Variants in PCDHA2 observed in about 807,000 individuals in gnomAD.
The protein encoded by PCDHA2 is protocadherin alpha-2.
PCDHA2 carries 58 observed loss-of-function variants against 66.0 expected under a neutral mutation model. The ratio of observed to expected loss-of-function variants is 0.88; its 90% CI spans 0.71 to 1.09. The LOEUF (loss-of-function observed/expected upper bound fraction) is 1.09, where lower values mean the gene tolerates loss of function less well. Among genes scored for constraint, PCDHA2 ranks in the 50% least tolerant of loss-of-function variants. The pLI is 0.00. For synonymous variants in PCDHA2, 634 were observed against 554.0 expected (o/e 1.14, Z -2.03); for missense variants, 1,267 against 1,242.3 (o/e 1.02, Z -0.30).
chr5:140,831,464 A>G (rs1771535057), intron 1 of PCDHA2, among the ~76,000 whole-genome samples: 1 of 132,286 alleles, frequency 7.6e-6, no homozygotes, highest in Admixed American at 7.7e-5. Flanking sequence ...GGCTCAAGTG[A>G]TTCTCTCACC....
rs2150139188 is a variant in PCDHA2, at chr5:140,825,385, TATATATCTA to T, written c.2388+28040_2388+28048del. 711 of 143,548 alleles carry T rather than the reference TATATATCTA, an allele frequency of 5.0e-3. 7 individuals are homozygous for T. Among genetic ancestry groups the T allele is most frequent in the African/African-American group, 0.018 (686 of 38,434 alleles). The allele number at this position is 143,548 out of a possible 1,614,324, so 8.9% of individuals were successfully genotyped here. Reference sequence around the variant, plus strand: ...ATATATAAATATCTAAAATATCTAATATATATCTAATATATTATATATTTTATATAATAT... The same window carrying T: ...ATATATAAATATCTAAAATATCTAATATATATTATATATTTTATATAATAT... On this transcript the variant is annotated intron_variant, in intron 1 of 3. Coordinates refer to ENST00000526136, the MANE Select transcript of PCDHA2 (RefSeq NM_018905.3).
At chr5:140,964,383 G>A (rs543441248) in intron 1 of PCDHA2, among the ~76,000 whole-genome samples, 1 of 152,142 alleles carries the variant, frequency 6.6e-6, no homozygotes, top group Non-Finnish European at 1.5e-5. Context: ...GAGAGTCCTG[G>A]TTTTTCTCCC....
chr5:140,994,189 G>T (rs992894961), intron 3 of PCDHA2, among the ~76,000 whole-genome samples: 2 of 152,176 alleles, frequency 1.3e-5, no homozygotes, highest in Admixed American at 6.5e-5. Context: ...AACCACCAGG[G>T]CCTGTTGGTC....
At chr5:140,846,534 C>T (rs1554141358) in intron 1 of PCDHA2, among the ~76,000 whole-genome samples, 2 of 148,222 alleles carry the variant, frequency 1.3e-5, no homozygotes, top group African/African-American at 4.9e-5. Context: ...GCCACCATGC[C>T]CTGCTAATTT....
In PCDHA2 at chr5:140,829,234, C is replaced by T. The variant is rs140237774; in HGVS notation, c.2388+31882C>T. On this transcript the variant is annotated intron_variant, in intron 1 of 3. Coordinates refer to ENST00000526136, the MANE Select transcript of PCDHA2 (RefSeq NM_018905.3). ...GCGTGAACGACCTCGATTCAGGTGC[C>T]AACGGGCAGGTGAACTGCTCGCTGA... The T allele has an allele frequency of 3.7e-6, 6 of 1,614,136 alleles. No homozygotes were observed. In the African/African-American group the frequency reaches 6.7e-5, roughly 18 times the overall value.
chr5:140,997,610 C>A (rs1223241020), intron 3 of PCDHA2, among the ~76,000 whole-genome samples: 1 of 151,776 alleles, frequency 6.6e-6, no homozygotes, highest in Non-Finnish European at 1.5e-5. Flanking sequence ...GGGCGCATGA[C>A]TATATAGAGA....
chr5:140,882,474 A>G, intron 1 of PCDHA2: 1 of 1,614,054 alleles, frequency 6.2e-7, no homozygotes, highest in Non-Finnish European at 8.5e-7. Context: ...GTGGCGTCCA[A>G]AAGACACGGG....
chr5:140,932,583 G>A (rs1007147257), intron 1 of PCDHA2, among the ~76,000 whole-genome samples: 29 of 151,810 alleles, frequency 1.9e-4, no homozygotes, highest in Admixed American at 1.8e-3. Flanking sequence ...AGGGTAATTA[G>A]ATGTTTTGTA....
At position 140,794,864 on chromosome 5, in the gene PCDHA2, C is replaced by A. The variant is rs1406565785; in HGVS notation, c.-101C>A. The A allele has an allele frequency of 5.4e-6, 7 of 1,288,644 alleles. No individual in the cohort carries two copies. Among genetic ancestry groups the A allele is most frequent in the Admixed American group, 2.4e-5 (1 of 41,950 alleles). 79.8% of individuals were successfully genotyped at this position (1,288,644 alleles called of 1,614,324 possible). A position where few individuals can be genotyped will look rare whatever the true frequency, so the allele number is the denominator to read the frequency against. On this transcript the variant is annotated 5_prime_UTR_variant, in exon 1 of 4. Transcript: ENST00000526136. ...GAGCCCCTTTGTTACTTCAGAGAAG[C>A]GGAGGAATAAGAGAAGCAGCAGGAC...
At chr5:140,847,610 C>T (rs1047587407) in intron 1 of PCDHA2, 3 of 149,370 alleles carry the variant, frequency 2.0e-5, no homozygotes, top group African/African-American at 7.4e-5. Context: ...ATTGTAATAA[C>T]ATTACACAAA....
chr5:140,801,321 G>C (rs138727039), intron 1 of PCDHA2: 1 of 1,613,350 alleles, frequency 6.2e-7, no homozygotes, highest in African/African-American at 1.3e-5. Context: ...GGCCAAGCAT[G>C]GCACCTTCGT....
chr5:140,836,277 A>G (rs1774327794), intron 1 of PCDHA2: 1 of 1,613,670 alleles, frequency 6.2e-7, no homozygotes, highest in Non-Finnish European at 8.5e-7. Context: ...TGGTGAGATC[A>G]GCACGACACG....
At chr5:140,984,533 T>C (rs1477702565) in intron 3 of PCDHA2, among the ~76,000 whole-genome samples, 1 of 152,216 alleles carries the variant, frequency 6.6e-6, no homozygotes, top group African/African-American at 2.4e-5. Context: ...CTTCATGGAC[T>C]GTGCTGGATA....
chr5:140,986,461 C>T (rs1554248079), intron 3 of PCDHA2, among the ~76,000 whole-genome samples: 1 of 152,154 alleles, frequency 6.6e-6, no homozygotes. Context: ...TTAATGAATG[C>T]CCTCTTGTGA....
At chr5:140,875,580 C>T (rs1381718234) in intron 1 of PCDHA2, 2 of 1,614,076 alleles carry the variant, frequency 1.2e-6, no homozygotes, top group East Asian at 2.2e-5. Flanking sequence ...ACTCCGTCTA[C>T]GAGGAGGCCA....
chr5:140,828,216 G>T, intron 1 of PCDHA2: 5 of 1,614,022 alleles, frequency 3.1e-6, no homozygotes, highest in Non-Finnish European at 4.2e-6. Context: ...GCCAAACACG[G>T]CACCTTCGTG....
chr5:140,853,543 A>G (rs2042787670), intron 1 of PCDHA2: 2 of 979,444 alleles, frequency 2.0e-6, no homozygotes, highest in Middle Eastern at 5.4e-4. Context: ...TTCAAGTTGT[A>G]ATTACTATAT....
chr5:140,894,919 T>C (rs1188144925), intron 1 of PCDHA2, among the ~76,000 whole-genome samples: 1 of 152,348 alleles, frequency 6.6e-6, no homozygotes, highest in Non-Finnish European at 1.5e-5. Context: ...TGTTGCTCTA[T>C]AGATTTCTAT....
intron 1 of PCDHA2, chr5:140,870,564 G>T (rs782511789): frequency 1.2e-6 from 2 of 1,613,884 alleles, no homozygotes; most frequent in Non-Finnish European, 1.7e-6. Context: ...AGGAGAACGC[G>T]CTGGTGTCCT....
Sources: allele counts gnomAD v4.1 joint callset (sites outside exome capture counted in the v4.1 genomes callset), GRCh38; gene constraint gnomAD v4.1.1; transcripts MANE v1.5; gene names NCBI Gene and HGNC (gene_info 2026-07-23, HGNC 2026-07-21).